The following PLP1 variants were observed in gnomAD, a reference collection of about 807,000 sequenced individuals.
PLP1 encodes the protein myelin proteolipid protein.
Under a neutral mutation model 18.5 loss-of-function variants are expected in PLP1, and 2 were observed. That is an observed-to-expected ratio of 0.11 (90% confidence interval 0.04 to 0.34). PLP1 has a LOEUF of 0.34. Ranked by LOEUF, PLP1 falls within the 10% of genes least tolerant of loss-of-function variation. PLP1 has a pLI of 1.00. For missense variants in PLP1, 105 were observed against 207.3 expected (o/e 0.51, Z 3.03); for synonymous variants, 86 against 83.2 (o/e 1.03, Z -0.19).
chrX:103,779,603 G>A (rs957880812), intron 1 of PLP1, among the ~76,000 whole-genome samples: 8 of 111,903 alleles, frequency 7.1e-5, no homozygotes, highest in Non-Finnish European at 1.1e-4. Flanking sequence ...GGAGTTCTTG[G>A]AAAGCCAGGC....
intron 5 of PLP1, 133 bp downstream of exon 5, chrX:103,788,643 T>C (rs926407122): frequency 1.2e-5 from 7 of 597,932 alleles, no homozygotes; most frequent in Non-Finnish European, 2.0e-5. Flanking sequence ...TTCTACAACA[T>C]GTTGGCTAAG....
chrX:103,780,789 T>C (rs1264187089), intron 1 of PLP1: 1 of 112,726 alleles, frequency 8.9e-6, no homozygotes, highest in Non-Finnish European at 1.9e-5. Context: ...TGATAATTGT[T>C]GTTTTACTCC....
In PLP1 at chrX:103,789,361, C is replaced by T. The variant is rs132630293; in HGVS notation, c.725C>T (p.Ala242Val). 8.3e-7 allele frequency: 1 copy of T among 1,209,221 alleles called. No homozygotes were observed. Among genetic ancestry groups the T allele is most frequent in the Non-Finnish European group, 1.1e-6 (1 of 892,897 alleles). The change falls in exon 6 of 7, where the codon GCT becomes GTT. Residue 242 changes from alanine (A) to valine (V), a missense_variant. Physicochemically the swap from Ala to Val is moderately conservative, Grantham distance 64. Transcript: ENST00000621218. ...CAAATGACCTTCCACCTGTTTATTG[C>T]TGCATTTGTGGGGGCTGCAGCTACA... is the stretch of plus-strand genomic sequence containing the variant. ...EFQMTFHLFIAAFVGAAATLV... is the reference protein window; with the variant it reads ...EFQMTFHLFIVAFVGAAATLV...
At chrX:103,788,597 G>C in intron 5 of PLP1, 87 bp downstream of exon 5, 3 of 753,398 alleles carry the variant, frequency 4.0e-6, no homozygotes, top group Non-Finnish European at 6.3e-6. Flanking sequence ...AGGACTGAAA[G>C]TTTCCCTTTG....
At position 103,792,076 on chromosome X, in the gene PLP1, G is replaced by C. The variant is rs187691381; in HGVS notation, c.*1478G>C. ...GCAGAAAGAGTTTGAGACCTGAATAGCTCCCAGATTTCAGTCTTTTCCTGT... is the reference window on the plus strand; with the variant it reads ...GCAGAAAGAGTTTGAGACCTGAATACCTCCCAGATTTCAGTCTTTTCCTGT... On this transcript the variant is annotated 3_prime_UTR_variant, in exon 7 of 7. Transcript: ENST00000621218. 34 of 110,035 alleles carry C rather than the reference G, an allele frequency of 3.1e-4. No homozygotes were observed. Among genetic ancestry groups the C allele is most frequent in the Non-Finnish European group, 5.1e-4 (27 of 52,691 alleles). 9.1% of individuals were successfully genotyped at this position (110,035 alleles called of 1,213,427 possible).
intron 1 of PLP1, chrX:103,779,991 G>C (rs903204381): frequency 2.1e-4 from 24 of 112,897 alleles, no homozygotes; most frequent in African/African-American, 7.7e-4. Flanking sequence ...AGCAGCCATG[G>C]TAGGTGAATG....
chrX:103,789,001 G>A (rs147684590), intron 5 of PLP1: 11,352 of 335,339 alleles, frequency 0.034, 169 homozygotes, highest in Middle Eastern at 0.059. Context: ...AAGTAAATCC[G>A]GGGGAGACAG....
At position 103,782,042 on chromosome X, in the gene PLP1, TTTGA is replaced by T. The variant is rs1476733359; in HGVS notation, c.5-3536_5-3533del. Among the ~76,000 whole-genome samples, 17 of 112,486 alleles carry T rather than the reference TTTGA, an allele frequency of 1.5e-4. No individual in the cohort carries two copies. The Admixed American group carries it at 1.6e-3, about 11-fold the overall frequency. ...CCCAATGGATCTTTTCTCAGAATGC[TTTGA>T]TTGTCAACTACTTTGATGAAAAAAT... On this transcript the variant is annotated intron_variant, in intron 1 of 6. Transcript: ENST00000621218.
intron 1 of PLP1, among the ~76,000 whole-genome samples, chrX:103,780,437 C>CTGTG (rs1491323272): frequency 4.6e-5 from 4 of 87,877 alleles, no homozygotes; most frequent in East Asian, 6.9e-4. Flanking sequence ...TTCTGTCTCT[C>CTGTG]TCTGTGTGTG....
chrX:103,780,374 C>T (rs867650947), intron 1 of PLP1: 1 of 111,465 alleles, frequency 9.0e-6, no homozygotes. Context: ...CAATCAAAGT[C>T]CTACCTCAGC....
chrX:103,781,493 A>G (rs2074454145), intron 1 of PLP1, among the ~76,000 whole-genome samples: 2 of 112,367 alleles, frequency 1.8e-5, no homozygotes, highest in African/African-American at 6.5e-5. Flanking sequence ...CAACTTCGTT[A>G]TATCCATTTT....
chrX:103,778,923 C>T (rs913117995), intron 1 of PLP1, among the ~76,000 whole-genome samples: 1 of 112,101 alleles, frequency 8.9e-6, no homozygotes, highest in African/African-American at 3.2e-5. Flanking sequence ...AGCCAACCTT[C>T]AATGCGGGAT....
chrX:103,778,524 G>C (rs1258915349), intron 1 of PLP1, among the ~76,000 whole-genome samples: 1 of 111,233 alleles, frequency 9.0e-6, no homozygotes, highest in Non-Finnish European at 1.9e-5. Context: ...GAGTAAAGAA[G>C]GATGTTGAAT....
At chrX:103,790,256 T>C (rs760010398) in intron 6 of PLP1, among the ~76,000 whole-genome samples, 5 of 112,243 alleles carry the variant, frequency 4.5e-5, no homozygotes, top group Non-Finnish European at 7.5e-5. Context: ...GAAAACTCAG[T>C]GCTAGATCAA....
intron 1 of PLP1, among the ~76,000 whole-genome samples, chrX:103,777,736 G>T (rs16984049): frequency 0.012 from 1,370 of 112,214 alleles, 26 homozygotes; most frequent in African/African-American, 0.043. Context: ...GCTTTTCTAG[G>T]TTCCGTGAAC....
chrX:103,789,705 C>T (rs752418330), intron 6 of PLP1, among the ~76,000 whole-genome samples: 7 of 111,773 alleles, frequency 6.3e-5, no homozygotes, highest in South Asian at 3.8e-4. Flanking sequence ...TCATAAATTA[C>T]GGTTAATTCT....
At chrX:103,787,649 G>T in intron 3 of PLP1, 149 bp from the exon 4 acceptor site, 1 of 540,544 alleles carries the variant, frequency 1.8e-6, no homozygotes, top group East Asian at 3.3e-5. Context: ...ACCCTTGGCA[G>T]AGGTGCCCTG....
At chrX:103,790,291 T>C (rs1003737528) in intron 6 of PLP1, among the ~76,000 whole-genome samples, 9 of 112,817 alleles carry the variant, frequency 8.0e-5, no homozygotes, top group Non-Finnish European at 1.7e-4. Flanking sequence ...TAAATCTTTA[T>C]GATTTGATTC....
chrX:103,788,820 T>C, intron 5 of PLP1: 2 of 338,361 alleles, frequency 5.9e-6, no homozygotes, highest in South Asian at 4.3e-5. Context: ...ATTCCTTTAG[T>C]TAAAAACCAT....
Sources: allele counts gnomAD v4.1 joint callset (sites outside exome capture counted in the v4.1 genomes callset), GRCh38; gene constraint gnomAD v4.1.1; transcripts MANE v1.5; gene names NCBI Gene and HGNC (gene_info 2026-07-23, HGNC 2026-07-21).